PLA2G12A: variants seen among roughly 807,000 people sequenced by gnomAD.
PLA2G12A encodes the protein phospholipase A2 group XIIA.
In PLA2G12A, 11 loss-of-function variants were observed where a neutral mutation model predicts 16.0. The observed-to-expected ratio is 0.69, with a 90% CI of 0.43 to 1.13. The LOEUF is 1.13. Among genes scored for constraint, PLA2G12A ranks in the 50% most tolerant of loss-of-function variants. The pLI is 0.00. For missense variants in PLA2G12A, 214 were observed against 237.3 expected, an observed-to-expected ratio of 0.90 and a Z score of 0.65; for synonymous variants, 77 against 93.8, an observed-to-expected ratio of 0.82 and a Z score of 1.03.
intron 1 of PLA2G12A, among the ~76,000 whole-genome samples, chr4:109,728,017 T>C (rs1722974340): frequency 6.6e-6 from 1 of 152,242 alleles, no homozygotes; most frequent in African/African-American, 2.4e-5. Flanking sequence ...CATCCTTGAC[T>C]GGCCTTTCTC....
chr4:109,728,459 C>T (rs1206483118), intron 1 of PLA2G12A, among the ~76,000 whole-genome samples: 3 of 152,150 alleles, frequency 2.0e-5, no homozygotes, highest in African/African-American at 7.2e-5. Context: ...CTTAATCCTC[C>T]GAACAAGTTC....
At chr4:109,728,116 C>A (rs985130782) in intron 1 of PLA2G12A, among the ~76,000 whole-genome samples, 12 of 152,230 alleles carry the variant, frequency 7.9e-5, no homozygotes, top group Non-Finnish European at 1.5e-4. Flanking sequence ...GTGCAGATTT[C>A]TTCTCAAATA....
chr4:109,722,974 G>A (rs1200966678), intron 1 of PLA2G12A, among the ~76,000 whole-genome samples: 3 of 152,150 alleles, frequency 2.0e-5, no homozygotes, highest in Admixed American at 6.5e-5. Context: ...GAGATTATCC[G>A]TTAAGAAACC....
At chr4:109,721,336 T>C (rs1730938160) in intron 1 of PLA2G12A, among the ~76,000 whole-genome samples, 1 of 149,736 alleles carries the variant, frequency 6.7e-6, no homozygotes. Flanking sequence ...TTTTTTTTTT[T>C]GAGATGGAGT....
chr4:109,727,563 T>C (rs1343501767), intron 1 of PLA2G12A, among the ~76,000 whole-genome samples: 1 of 152,132 alleles, frequency 6.6e-6, no homozygotes, highest in Non-Finnish European at 1.5e-5. Context: ...TTCCTTTGTG[T>C]TTTTTTGTGC....
chr4:109,717,647 C>T lies in PLA2G12A; in HGVS notation c.352G>A (p.Gly118Ser). Residue 118 changes from glycine to serine, a missense_variant, in exon 3 of 4, where the codon GGC becomes AGC. Gly to Ser is a moderately conservative substitution (Grantham distance 56). Transcript: ENST00000243501. ...TCATCACAGTCATTCTTGCTTTTGC[C>T]ACAGGTCTCATAGCACCTGTCGTGT... Reference protein sequence around the residue: ...NQHDRCYETCGKSKNDCDEEF... With the variant: ...NQHDRCYETCSKSKNDCDEEF... 6.2e-7 allele frequency: 1 copy of T among 1,613,762 alleles called. No homozygotes were observed. Among genetic ancestry groups the T allele is most frequent in the Non-Finnish European group, 8.5e-7 (1 of 1,179,684 alleles).
chr4:109,728,069 T>C (rs1054168886), intron 1 of PLA2G12A, among the ~76,000 whole-genome samples: 4 of 152,238 alleles, frequency 2.6e-5, no homozygotes, highest in African/African-American at 9.6e-5. Context: ...TCTGGAATGC[T>C]GTTTCTCCAA....
intron 1 of PLA2G12A, among the ~76,000 whole-genome samples, chr4:109,725,568 C>T (rs1013159910): frequency 3.3e-5 from 5 of 152,174 alleles, no homozygotes; most frequent in African/African-American, 1.2e-4. Flanking sequence ...TAAGCGGATA[C>T]AAACCAAATC....
At chr4:109,717,446 A>T in intron 3 of PLA2G12A, 102 bp downstream of exon 3, 1 of 1,214,152 alleles carries the variant, frequency 8.2e-7, no homozygotes, top group East Asian at 2.4e-5. Flanking sequence ...AATAGATAAT[A>T]TATGTGAAAG....
chr4:109,723,744 G>C (rs1190042621), intron 1 of PLA2G12A, among the ~76,000 whole-genome samples: 1 of 152,088 alleles, frequency 6.6e-6, no homozygotes. Flanking sequence ...CTAAGAAATA[G>C]GTCAAGTTGT....
rs1723011203 is a variant in PLA2G12A, at chr4:109,729,713, C to A, written c.97G>T (p.Ala33Ser). The A allele has an allele frequency of 6.2e-7, 1 of 1,608,520 alleles. No homozygotes were observed. Among genetic ancestry groups the A allele is most frequent in the African/African-American group, 1.3e-5 (1 of 74,740 alleles). ...QEQAQTTDWR[A>S]TLKTIRNGVH... ...CCGTTCCGGATGGTCTTCAGGGTGG[C>A]TCTCCAGTCGGTGGTCTGGGCCTGC... Residue 33 changes from alanine to serine, a missense_variant, in exon 1 of 4, where the codon GCC (alanine) becomes TCC (serine). Transcript: ENST00000243501.
intron 1 of PLA2G12A, among the ~76,000 whole-genome samples, chr4:109,723,071 C>T (rs1403656648): frequency 4.6e-5 from 7 of 152,180 alleles, no homozygotes; most frequent in Non-Finnish European, 7.3e-5. Context: ...CTTGTCACAT[C>T]TCTTTAAAAT....
chr4:109,727,962 T>C (rs1722973471), intron 1 of PLA2G12A, among the ~76,000 whole-genome samples: 1 of 152,224 alleles, frequency 6.6e-6, no homozygotes, highest in East Asian at 1.9e-4. Context: ...TCTCTGTAAA[T>C]GGCAACCGTT....
At chr4:109,718,798 T>C (rs773355964) in intron 1 of PLA2G12A, 39 bp from the exon 2 acceptor site, 4 of 1,379,566 alleles carry the variant, frequency 2.9e-6, no homozygotes, top group Non-Finnish European at 4.0e-6. Flanking sequence ...TTTTCAAATA[T>C]GATAAAAGTA....
At chr4:109,717,910 T>C (rs1303060517) in intron 2 of PLA2G12A, among the ~76,000 whole-genome samples, 197 bp from the exon 3 acceptor site, 1 of 152,212 alleles carries the variant, frequency 6.6e-6, no homozygotes, top group Non-Finnish European at 1.5e-5. Context: ...TGTTACTCTC[T>C]CAGCTATGCC....
chr4:109,717,718 A>C lies in PLA2G12A; in HGVS notation c.286-5T>G. 1 of 1,613,460 alleles carries C rather than the reference A, an allele frequency of 6.2e-7. No homozygotes were observed. The highest frequency in any genetic ancestry group is 8.5e-7 in the Non-Finnish European group (1 of 1,179,476). ...GGAAGGGATACCAATGTTAAGCTGC[A>C]AAAGGCATTTGGATGGATTACTGTC... On this transcript the variant is annotated splice_polypyrimidine_tract_variant and splice_region_variant and intron_variant, in intron 2 of 3. Transcript: ENST00000243501.
intron 3 of PLA2G12A, among the ~76,000 whole-genome samples, chr4:109,715,416 A>G (rs1202002378): frequency 2.6e-5 from 4 of 152,094 alleles, no homozygotes; most frequent in Non-Finnish European, 5.9e-5. Context: ...ATGGGAGCAT[A>G]TAAATCAAAA....
At chr4:109,724,846 A>G (rs1216779333) in intron 1 of PLA2G12A, among the ~76,000 whole-genome samples, 2 of 152,232 alleles carry the variant, frequency 1.3e-5, no homozygotes, top group African/African-American at 4.8e-5. Flanking sequence ...ATCAAGTAAT[A>G]AAGAGCCAAC....
rs988120631 is a variant in PLA2G12A at position 109,729,913 on chromosome 4, A to C, written c.-104T>G. The C allele has an allele frequency of 6.3e-5, 62 of 981,576 alleles. No individual in the cohort carries two copies. Among genetic ancestry groups the C allele is most frequent in the Non-Finnish European group, 8.2e-5 (57 of 694,610 alleles). 60.8% of individuals were successfully genotyped at this position (981,576 alleles called of 1,614,324 possible). A position where few individuals can be genotyped will look rare whatever the true frequency, so the allele number is the denominator to read the frequency against. ...CAGCGGCGCGGGCCCCGGACTTGGC[A>C]GCAGCCAGCTCCATATCCACGCCTC... On this transcript the variant is annotated 5_prime_UTR_variant, in exon 1 of 4. Transcript: ENST00000243501.
Sources: allele counts gnomAD v4.1 joint callset (sites outside exome capture counted in the v4.1 genomes callset), GRCh38; gene constraint gnomAD v4.1.1; transcripts MANE v1.5; gene names NCBI Gene and HGNC (gene_info 2026-07-23, HGNC 2026-07-21).